The following MLIP variants were observed in gnomAD, a reference collection of about 807,000 sequenced individuals.
The protein encoded by MLIP is muscular LMNA interacting protein.
In MLIP, 79 loss-of-function variants were observed where a neutral mutation model predicts 84.8. That is an observed-to-expected ratio of 0.93 (90% CI 0.78 to 1.12). MLIP has a LOEUF of 1.12. Among genes scored for constraint, MLIP ranks in the 50% most tolerant of loss-of-function variants. The pLI is 0.00. For synonymous variants in MLIP, 504 were observed against 463.0 expected, an observed-to-expected ratio of 1.09 and a Z score of -1.14; for missense variants, 1,257 against 1,160.6, an observed-to-expected ratio of 1.08 and a Z score of -1.21.
At chr6:54,109,909 T>TTTTC (rs796941191), upstream of MLIP, among the ~76,000 whole-genome samples, 844 of 112,546 alleles carry the variant, frequency 7.5e-3, 41 homozygotes, top group Middle Eastern at 0.02. Flanking sequence ...CTTTCTTTCT[T>TTTTC]TTTCTTTCTT....
rs1763758312 is a variant in MLIP at position 54,025,642 on chromosome 6, T to C, written c.63+6551T>C. Among the ~76,000 whole-genome samples the C allele has an allele frequency of 2.0e-5, 3 of 152,306 alleles. No homozygotes were observed. The South Asian group carries it at 6.2e-4, about 32-fold the overall frequency. On this transcript the variant is annotated intron_variant, in intron 1 of 12. Transcript: ENST00000274897. ...AGTAGCAATGACTCTTGCTGTGTTTTGGATTCAACTGATAAAGTTGCCTTA... is the reference window on the plus strand; with the variant it reads ...AGTAGCAATGACTCTTGCTGTGTTTCGGATTCAACTGATAAAGTTGCCTTA...
intron 1 of MLIP, chr6:54,083,540 T>C (rs1270447188): frequency 6.5e-7 from 1 of 1,535,936 alleles, no homozygotes; most frequent in Non-Finnish European, 8.7e-7. Flanking sequence ...TTACAACCAC[T>C]GCTTTCTTGA....
At chr6:54,257,737 T>C (rs1208215521) in intron 13 of MLIP, among the ~76,000 whole-genome samples, 1 of 152,052 alleles carries the variant, frequency 6.6e-6, no homozygotes, top group Non-Finnish European at 1.5e-5. Context: ...AGAGTCACAG[T>C]ATCTCATGGT....
chr6:54,051,141 T>C (rs952103575), intron 1 of MLIP, among the ~76,000 whole-genome samples: 1 of 151,886 alleles, frequency 6.6e-6, no homozygotes, highest in Non-Finnish European at 1.5e-5. Flanking sequence ...AACCTCCTTG[T>C]TGGACCTCGA....
intron 13 of MLIP, among the ~76,000 whole-genome samples, chr6:54,264,273 C>G (rs1003634770): frequency 2.0e-5 from 3 of 152,008 alleles, no homozygotes; most frequent in Non-Finnish European, 2.9e-5. Flanking sequence ...ATGTTATAAT[C>G]CCATCTACAT....
At chr6:54,044,590 C>T (rs1174675614) in intron 1 of MLIP, among the ~76,000 whole-genome samples, 2 of 151,432 alleles carry the variant, frequency 1.3e-5, no homozygotes, top group Non-Finnish European at 2.9e-5. Context: ...GCTGCTTTTG[C>T]CAATTTTTAG....
chr6:54,204,673 T>G (rs1039402127), intron 11 of MLIP, among the ~76,000 whole-genome samples: 2 of 152,242 alleles, frequency 1.3e-5, no homozygotes, highest in Non-Finnish European at 2.9e-5. Context: ...AATTCCATTT[T>G]CAAGTGCAGA....
intron 1 of MLIP, among the ~76,000 whole-genome samples, chr6:54,074,156 T>C (rs1766651166): frequency 6.6e-6 from 1 of 152,020 alleles, no homozygotes; most frequent in South Asian, 2.1e-4. Flanking sequence ...AAATGATGTG[T>C]TTTTTTTGAA....
At chr6:54,036,881 T>A (rs902394006) in intron 1 of MLIP, among the ~76,000 whole-genome samples, 4 of 151,968 alleles carry the variant, frequency 2.6e-5, no homozygotes, top group Admixed American at 1.3e-4. Context: ...CTCTGATATG[T>A]TTTTCTGAGT....
intron 1 of MLIP, among the ~76,000 whole-genome samples, chr6:54,070,596 A>AT (rs1278273813): frequency 1.3e-5 from 2 of 151,964 alleles, no homozygotes; most frequent in African/African-American, 2.4e-5. Flanking sequence ...GTATCCTGGG[A>AT]TTTTTTTTGG....
intron 1 of MLIP, among the ~76,000 whole-genome samples, chr6:54,026,246 A>G (rs1162592527): frequency 6.6e-6 from 1 of 152,218 alleles, no homozygotes; most frequent in Non-Finnish European, 1.5e-5. Flanking sequence ...AGATTTGATG[A>G]TTAGGATAAT....
rs542820748 is a variant in MLIP, at chr6:54,026,474, C to T, written c.63+7383C>T. The stretch of plus-strand genomic sequence containing the variant: ...GGCCTCTTCTCCTTTGAGCCAATAA[C>T]AAAAATTTAAAAATTGCAAAAGAAT... On this transcript the variant is annotated intron_variant, in intron 1 of 12. Transcript: ENST00000274897. 8.6e-5 allele frequency among the ~76,000 whole-genome samples: 13 copies of T among 151,886 alleles called. No homozygotes were observed. In the South Asian group the frequency reaches 2.5e-3, roughly 29 times the overall value.
chr6:54,145,920 T>C (rs994590383), intron 4 of MLIP, among the ~76,000 whole-genome samples: 3 of 152,170 alleles, frequency 2.0e-5, no homozygotes, highest in Admixed American at 6.6e-5. Flanking sequence ...CAGGAGTTCC[T>C]AGTCCTTAGT....
In MLIP at chr6:54,111,456, C is replaced by A. The variant is rs1406606550; in HGVS notation, c.-24C>A. 6.5e-7 allele frequency: 1 copy of A among 1,535,618 alleles called. No homozygotes were observed. Among genetic ancestry groups the A allele is most frequent in the Non-Finnish European group, 8.7e-7 (1 of 1,146,718 alleles). The stretch of plus-strand genomic sequence containing the variant: ...CCTTCCCACCTCAGTCATTGGTTTG[C>A]TCGCTCCCTTATGTGATGAATCAAT... On this transcript the variant is annotated 5_prime_UTR_variant, in exon 1 of 14. Coordinates refer to ENST00000502396, the MANE Select transcript of MLIP (RefSeq NM_001281747.2).
intron 9 of MLIP, among the ~76,000 whole-genome samples, chr6:54,180,952 G>A (rs1472186834): frequency 6.6e-6 from 1 of 152,030 alleles, no homozygotes; most frequent in African/African-American, 2.4e-5. Flanking sequence ...TTGTAGTCTA[G>A]ACAGTCTGGG....
intron 3 of MLIP, among the ~76,000 whole-genome samples, chr6:54,130,505 C>T (rs188512280): frequency 2.0e-4 from 30 of 152,046 alleles, no homozygotes; most frequent in African/African-American, 5.3e-4. Context: ...ACTATGTTTC[C>T]GCTTCTGCAT....
At chr6:54,194,443 C>G (rs1035103167) in intron 10 of MLIP, among the ~76,000 whole-genome samples, 3 of 152,082 alleles carry the variant, frequency 2.0e-5, no homozygotes, top group Admixed American at 2.0e-4. Context: ...TCTGGCCAAT[C>G]TGTATTGTGT....
intron 9 of MLIP, among the ~76,000 whole-genome samples, chr6:54,174,609 A>G (rs1216638457): frequency 6.6e-6 from 1 of 151,768 alleles, no homozygotes; most frequent in African/African-American, 2.4e-5. Context: ...ATACTTTATG[A>G]TAGAGCTGTT....
intron 11 of MLIP, among the ~76,000 whole-genome samples, chr6:54,203,080 G>T (rs1207387320): frequency 6.6e-6 from 1 of 152,052 alleles, no homozygotes; most frequent in Admixed American, 6.6e-5. Context: ...TGTTCATTTT[G>T]TTTATGTTTG....
Sources: allele counts gnomAD v4.1 joint callset (sites outside exome capture counted in the v4.1 genomes callset), GRCh38; gene constraint gnomAD v4.1.1; transcripts MANE v1.5; gene names NCBI Gene and HGNC (gene_info 2026-07-23, HGNC 2026-07-21).